The following UNC13C variants were observed in gnomAD, a reference collection of about 807,000 sequenced individuals.
The protein encoded by UNC13C is protein unc-13 homolog C.
A neutral mutation model predicts 245.4 loss-of-function variants in UNC13C; 174 were observed. The observed-to-expected ratio is 0.71, with a 90% confidence interval of 0.63 to 0.80. The LOEUF is 0.80. UNC13C is among the 30% of genes least tolerant of loss of function. The pLI is 0.00. For missense variants in UNC13C, 2,829 were observed against 2,602.9 expected (o/e 1.09, Z -1.89); for synonymous variants, 992 against 895.1 (o/e 1.11, Z -1.93).
intron 2 of UNC13C, among the ~76,000 whole-genome samples, chr15:54,074,806 T>C (rs948492538): frequency 2.0e-5 from 3 of 152,208 alleles, no homozygotes; most frequent in African/African-American, 7.2e-5. Context: ...ATATATTCAA[T>C]CATGTCATCT....
intron 19 of UNC13C, among the ~76,000 whole-genome samples, chr15:54,490,364 GC>G (rs1398203190): frequency 1.3e-5 from 2 of 152,174 alleles, no homozygotes; most frequent in Non-Finnish European, 2.9e-5. Flanking sequence ...CCTATGTGTG[GC>G]TGCAGTAAAG....
chr15:53,894,286 G>T, the UNC13C span, among the ~76,000 whole-genome samples: 6 of 152,222 alleles, frequency 3.9e-5, no homozygotes, highest in African/African-American at 1.4e-4. Context: ...TTCCTATTTG[G>T]CCATCTTTGC....
intron 13 of UNC13C, among the ~76,000 whole-genome samples, chr15:54,311,957 CAAAG>C (rs1033105327): frequency 6.6e-6 from 1 of 151,634 alleles, no homozygotes; most frequent in African/African-American, 2.4e-5. Context: ...CTTAAGGTTA[CAAAG>C]AGACTTTTAA....
chr15:54,178,018 T>A (rs1342086602), intron 4 of UNC13C, among the ~76,000 whole-genome samples: 1 of 152,178 alleles, frequency 6.6e-6, no homozygotes, highest in Non-Finnish European at 1.5e-5. Flanking sequence ...ATTGATTTTT[T>A]ATAAAAATAA....
At chr15:54,050,385 T>C (rs1897226708) in intron 2 of UNC13C, 2 of 558,554 alleles carry the variant, frequency 3.6e-6, no homozygotes, top group Non-Finnish European at 7.2e-6. Flanking sequence ...TTTTCTGTAC[T>C]TGATAAGTAT....
intron 17 of UNC13C, among the ~76,000 whole-genome samples, chr15:54,342,565 T>TA (rs35987958): frequency 1.9e-3 from 280 of 147,762 alleles, no homozygotes; most frequent in African/African-American, 5.3e-3. Flanking sequence ...TATCTCTATT[T>TA]AAAAAAAAAA....
intron 2 of UNC13C, among the ~76,000 whole-genome samples, chr15:54,022,860 C>A (rs770591059): frequency 2.0e-5 from 3 of 152,118 alleles, no homozygotes; most frequent in Non-Finnish European, 4.4e-5. Flanking sequence ...AGTAGAGAAC[C>A]AGCTAGGGAC....
At chr15:53,901,074 C>G in the UNC13C span, among the ~76,000 whole-genome samples, 1 of 151,882 alleles carries the variant, frequency 6.6e-6, no homozygotes, top group Non-Finnish European at 1.5e-5. Context: ...TTATTCTATA[C>G]ACATGATTTT....
intron 4 of UNC13C, among the ~76,000 whole-genome samples, chr15:54,197,023 G>A (rs570316964): frequency 7.8e-4 from 118 of 152,082 alleles, no homozygotes; most frequent in African/African-American, 2.3e-3. Flanking sequence ...AAACCTGTAC[G>A]TTGTGCCCAT....
At chr15:54,629,376 C>T (rs1354445897), downstream of UNC13C, 2 of 151,998 alleles carry the variant, frequency 1.3e-5, no homozygotes, top group African/African-American at 4.8e-5. Context: ...CCAAAACCCC[C>T]GTGACACACA....
At chr15:54,161,564 A>C (rs1360145366) in intron 4 of UNC13C, among the ~76,000 whole-genome samples, 1 of 152,118 alleles carries the variant, frequency 6.6e-6, no homozygotes, top group Non-Finnish European at 1.5e-5. Flanking sequence ...ATCAATATTT[A>C]TTTCTATAAG....
intron 22 of UNC13C, among the ~76,000 whole-genome samples, chr15:54,504,043 A>G (rs28507147): frequency 0.013 from 2,036 of 152,292 alleles, 54 homozygotes; most frequent in African/African-American, 0.046. Flanking sequence ...CAAATTTCAT[A>G]TCAAGAACAT....
At position 54,573,178 on chromosome 15, in the gene UNC13C, G is replaced by C. The variant is rs370402661; in HGVS notation, c.6106+5231G>C. On this transcript the variant is annotated intron_variant, in intron 30 of 32. Transcript: ENST00000260323. ...TGGAAATGCCTCTTGTATCTTGCTC[G>C]TTTATTCTTTTTTCCTTCTTCACCT... 2.0e-5 allele frequency among the ~76,000 whole-genome samples: 3 copies of C among 151,988 alleles called. No individual in the cohort carries two copies. In the South Asian group the frequency reaches 6.2e-4, roughly 32 times the overall value.
At chr15:54,559,052 G>C (rs1350519592) in intron 29 of UNC13C, among the ~76,000 whole-genome samples, 3 of 151,952 alleles carry the variant, frequency 2.0e-5, no homozygotes, top group Admixed American at 6.6e-5. Flanking sequence ...ATATGGGCCT[G>C]AACATGACAC....
At chr15:54,247,990 T>G (rs1308897927) in intron 7 of UNC13C, among the ~76,000 whole-genome samples, 1 of 152,148 alleles carries the variant, frequency 6.6e-6, no homozygotes, top group Non-Finnish European at 1.5e-5. Context: ...TCACTTGACT[T>G]CAGTAAAAGG....
At position 54,002,378 on chromosome 15, in the gene UNC13C, CT is replaced by C. The variant is rs370626076; in HGVS notation, c.-256-10260del. ...AGTCGCTTAGAAGCTCTGAGTCTAG[CT>C]TTTTTTTTTCTCTTCTGTCTTTAAA... On this transcript the variant is annotated intron_variant, in intron 1 of 32. Coordinates refer to ENST00000260323, the MANE Select transcript of UNC13C (RefSeq NM_001080534.3). 5.1e-3 allele frequency among the ~76,000 whole-genome samples: 757 copies of C among 149,826 alleles called. 7 individuals carry two copies. The highest frequency in any genetic ancestry group is 0.018 in the African/African-American group (716 of 40,886).
At chr15:54,411,998 G>A (rs573818187) in intron 18 of UNC13C, among the ~76,000 whole-genome samples, 1 of 151,808 alleles carries the variant, frequency 6.6e-6, no homozygotes, top group Admixed American at 6.6e-5. Flanking sequence ...TATAAATCTT[G>A]TACATATTAT....
rs1233543200 is a variant in UNC13C, at chr15:54,283,702, ATATATATATGTGTGTGTGTGTGTGTG to A, written c.3819-10191_3819-10166del. On this transcript the variant is annotated intron_variant, in intron 10 of 32. Coordinates refer to ENST00000260323, the MANE Select transcript of UNC13C (RefSeq NM_001080534.3). ...ATTTCTATGTGATATATATGTGTGT[ATATATATATGTGTGTGTGTGTGTGTG>A]TGTGTGTGTGTATGTAATATTTAAT... is the stretch of plus-strand genomic sequence containing the variant. Among the ~76,000 whole-genome samples the A allele has an allele frequency of 4.4e-5, 4 of 91,280 alleles. No homozygotes were observed. The Admixed American group carries it at 5.4e-4, about 12-fold the overall frequency. 59.9% of individuals were successfully genotyped at this position (91,280 alleles called of 152,430 possible). A position where few individuals can be genotyped will look rare whatever the true frequency, so the allele number is the denominator to read the frequency against.
intron 2 of UNC13C, among the ~76,000 whole-genome samples, chr15:54,119,792 T>C (rs1359700729): frequency 6.6e-6 from 1 of 152,144 alleles, no homozygotes; most frequent in Non-Finnish European, 1.5e-5. Flanking sequence ...GCAAAACAAC[T>C]TTATTGCTCA....
Sources: gnomAD v4.1 joint callset for allele counts (sites outside exome capture counted in the v4.1 genomes callset) on GRCh38, gnomAD v4.1.1 for gene constraint, MANE v1.5 for transcripts, NCBI Gene and HGNC (gene_info 2026-07-23, HGNC 2026-07-21) for gene names.